The following TNPO3 variants were observed in gnomAD, a reference collection of about 807,000 sequenced individuals.
TNPO3 encodes the protein transportin 3.
TNPO3 carries 65 observed loss-of-function variants against 122.8 expected under a neutral mutation model. The ratio of observed to expected loss-of-function variants is 0.53; its 90% CI spans 0.43 to 0.65. TNPO3 has a LOEUF of 0.65. Among genes scored for constraint, TNPO3 ranks in the 30% least tolerant of loss-of-function variants. The pLI is 0.00. For missense variants in TNPO3, 850 were observed against 1,136.7 expected (o/e 0.75, Z 3.63); for synonymous variants, 372 against 411.2 (o/e 0.90, Z 1.15).
Position 128,996,038 on chromosome 7 carries a change from T to C in TNPO3, c.1158+1351A>G, listed in dbSNP as rs7805725. ...AAAAAATAGCGGGGGTGGGTGCAGT[T>C]TGAAAACCACCAGACTAAATCATGA... On this transcript the variant is annotated intron_variant, in intron 8 of 22. Coordinates refer to ENST00000265388, the MANE Select transcript of TNPO3 (RefSeq NM_012470.4). 5.4e-3 allele frequency among the ~76,000 whole-genome samples: 817 copies of C among 152,268 alleles called. 7 individuals carry two copies. The highest frequency in any genetic ancestry group is 0.019 in the African/African-American group (789 of 41,538).
At chr7:128,982,585 G>GT (rs1342424843) in intron 13 of TNPO3, among the ~76,000 whole-genome samples, 1 of 151,954 alleles carries the variant, frequency 6.6e-6, no homozygotes, top group Non-Finnish European at 1.5e-5. Context: ...GTAGAAAACA[G>GT]TATCATTTGA....
intron 1 of TNPO3, among the ~76,000 whole-genome samples, chr7:129,039,450 C>T (rs1027110323): frequency 2.6e-5 from 4 of 151,980 alleles, no homozygotes; most frequent in African/African-American, 9.7e-5. Flanking sequence ...GTCCCAGCTA[C>T]TCAGGAGGCC....
Position 128,975,876 on chromosome 7 carries a change from A to C in TNPO3, c.2121T>G (p.Leu707=), listed in dbSNP as rs1172938043. ...HSCFLYLGSI[L]VDEYGMEEGC... ...CTTCTTCCATGCCATATTCATCCAC[A>C]AGGATACTGCCAAGGTACAGGAAGC... Residue 707 remains leucine (L), a synonymous_variant, in exon 17 of 23, where the codon CTT becomes CTG. Transcript: ENST00000265388. 2 of 1,614,112 alleles carry C rather than the reference A, an allele frequency of 1.2e-6. No homozygotes were observed. Among genetic ancestry groups the C allele is most frequent in the Admixed American group, 1.7e-5 (1 of 60,010 alleles).
chr7:128,985,166 A>G (rs541593844), intron 12 of TNPO3, among the ~76,000 whole-genome samples: 1 of 152,280 alleles, frequency 6.6e-6, no homozygotes, highest in East Asian at 1.9e-4. Flanking sequence ...AATTTGAATT[A>G]AAAAAACAGA....
intron 8 of TNPO3, among the ~76,000 whole-genome samples, chr7:128,994,933 T>C (rs1157400556): frequency 2.0e-5 from 3 of 152,128 alleles, no homozygotes; most frequent in Non-Finnish European, 2.9e-5. Flanking sequence ...TCCGGGATTA[T>C]AGGCATGAGC....
chr7:129,009,570 T>C (rs945113489), intron 4 of TNPO3, among the ~76,000 whole-genome samples: 5 of 152,244 alleles, frequency 3.3e-5, no homozygotes, highest in Admixed American at 1.3e-4. Flanking sequence ...CTGTGATTGA[T>C]TGTCATGATG....
rs771596630 is a variant in TNPO3 at position 128,975,845 on chromosome 7, G to A, written c.2152C>T (p.Arg718Trp). ...VDEYGMEEGC[R>W]QGLLDMLQAL... ...TGGAGCATGTCTAGCAGTCCCTGCC[G>A]ACAGCCTTCTTCCATGCCATATTCA... is the stretch of plus-strand genomic sequence containing the variant. Residue 718 changes from arginine to tryptophan, a missense_variant, in exon 17 of 23, where the codon CGG becomes TGG. Physicochemically the swap from Arg to Trp is moderately radical, Grantham distance 101. Transcript: ENST00000265388. 5.0e-6 allele frequency: 8 copies of A among 1,613,514 alleles called. No individual in the cohort carries two copies. The highest frequency in any genetic ancestry group is 1.3e-5 in the African/African-American group (1 of 74,912).
chr7:128,958,236 C>T (rs1333980784), intron 21 of TNPO3, among the ~76,000 whole-genome samples: 4 of 150,978 alleles, frequency 2.6e-5, no homozygotes, highest in Non-Finnish European at 5.9e-5. Flanking sequence ...TTCCGCCTCC[C>T]AGGTTCAAGC....
At chr7:128,984,527 C>T (rs1286607401) in intron 12 of TNPO3, among the ~76,000 whole-genome samples, 1 of 152,180 alleles carries the variant, frequency 6.6e-6, no homozygotes, top group East Asian at 1.9e-4. Context: ...TTCACAAAGC[C>T]AATGGCAAAG....
chr7:128,970,491 C>T (rs1215771382), intron 19 of TNPO3, among the ~76,000 whole-genome samples, 176 bp from the exon 20 acceptor site: 3 of 151,852 alleles, frequency 2.0e-5, no homozygotes, highest in South Asian at 2.1e-4. Context: ...TTCACAAAGT[C>T]CAGAAGTTTT....
chr7:129,035,166 C>T (rs1051553009), intron 1 of TNPO3, among the ~76,000 whole-genome samples: 2 of 151,616 alleles, frequency 1.3e-5, no homozygotes, highest in Non-Finnish European at 2.9e-5. Flanking sequence ...CCCAGCTACT[C>T]GGGAGGCTGA....
chr7:129,005,446 T>C (rs1031437367), intron 4 of TNPO3, among the ~76,000 whole-genome samples: 1 of 152,150 alleles, frequency 6.6e-6, no homozygotes. Context: ...TCGTTCTGTG[T>C]CCCCACCCAA....
At chr7:128,960,953 G>C (rs924226101) in intron 21 of TNPO3, among the ~76,000 whole-genome samples, 1 of 151,944 alleles carries the variant, frequency 6.6e-6, no homozygotes, top group East Asian at 1.9e-4. Context: ...TAGAGATGGG[G>C]TTTCACCATG....
rs141610220 is a variant in TNPO3, at chr7:129,042,332, A to G, written c.120+12319T>C. On this transcript the variant is annotated intron_variant, in intron 1 of 22. Coordinates refer to ENST00000265388, the MANE Select transcript of TNPO3 (RefSeq NM_012470.4). ...TCAAAGATTTATAGTATATTGGGGA[A>G]AGTTCTGGGAAGGAAGACTACATCA... Among the ~76,000 whole-genome samples the G allele has an allele frequency of 3.7e-3, 561 of 152,350 alleles. 1 individual carries two copies. Among genetic ancestry groups the G allele is most frequent in the African/African-American group, 0.013 (531 of 41,576 alleles).
At chr7:129,039,762 T>C (rs1807140819) in intron 1 of TNPO3, among the ~76,000 whole-genome samples, 2 of 152,112 alleles carry the variant, frequency 1.3e-5, no homozygotes, top group Admixed American at 1.3e-4. Context: ...AGTAATAATA[T>C]ATACTATAAC....
intron 1 of TNPO3, among the ~76,000 whole-genome samples, chr7:129,044,384 T>C (rs895270912): frequency 2.6e-5 from 4 of 151,898 alleles, no homozygotes; most frequent in Non-Finnish European, 5.9e-5. Flanking sequence ...GAACACAAAA[T>C]AGAAAAAAGA....
At position 128,992,106 on chromosome 7, in the gene TNPO3, T is replaced by G; in HGVS notation, c.1267-16A>C. ...TAGAATATAACTAGAGAAGAAGAGG[T>G]GGATTATGGATCCATTAAAAGGAAA... On this transcript the variant is annotated splice_polypyrimidine_tract_variant and intron_variant, in intron 9 of 22. Coordinates refer to ENST00000265388, the MANE Select transcript of TNPO3 (RefSeq NM_012470.4). 4 of 1,434,618 alleles carry G rather than the reference T, an allele frequency of 2.8e-6. No homozygotes were observed. Among genetic ancestry groups the G allele is most frequent in the Non-Finnish European group, 3.8e-6 (4 of 1,040,770 alleles). The allele number at this position is 1,434,618 out of a possible 1,614,324, so 88.9% of individuals were successfully genotyped here. A position where few individuals can be genotyped will look rare whatever the true frequency, so the allele number is the denominator to read the frequency against.
In TNPO3 at chr7:128,967,380, A is replaced by G. The variant is rs886044218; in HGVS notation, c.2611T>C (p.Trp871Arg). The G allele has an allele frequency of 6.2e-7, 1 of 1,612,530 alleles. No homozygotes were observed. The change falls in exon 21 of 23, where the codon TGG (tryptophan) becomes CGG (arginine). Residue 871 changes from tryptophan (W) to arginine (R), a missense_variant. Physicochemically the swap from Trp to Arg is moderately radical, Grantham distance 101. Transcript: ENST00000265388. The part of the protein sequence containing the change: ...MQVDRPTFCR[W>R]LENSLKGLPK... ...AAACCTTTTAAGGAATTTTCTAACC[A>G]TCGACAAAAAGTCTGTATAGGAAAG...
chr7:128,997,857 A>G (rs1490907572), intron 7 of TNPO3, among the ~76,000 whole-genome samples: 2 of 152,106 alleles, frequency 1.3e-5, no homozygotes, highest in East Asian at 3.9e-4. Flanking sequence ...TATTTTTTAG[A>G]GACGGAGTTT....
Sources: gnomAD v4.1 joint callset for allele counts (sites outside exome capture counted in the v4.1 genomes callset) on GRCh38, gnomAD v4.1.1 for gene constraint, MANE v1.5 for transcripts, NCBI Gene and HGNC (gene_info 2026-07-23, HGNC 2026-07-21) for gene names.